Variants in KIAA1217 observed in about 807,000 individuals in gnomAD.
The protein encoded by KIAA1217 is KIAA1217, also known as sickle tail protein homolog.
Under a neutral mutation model 163.9 loss-of-function variants are expected in KIAA1217, and 88 were observed. The ratio of observed to expected loss-of-function variants is 0.54; its 90% CI spans 0.45 to 0.64. KIAA1217 has a LOEUF of 0.64. KIAA1217 is among the 30% of genes least tolerant of loss of function. KIAA1217 has a pLI of 0.00. For missense variants in KIAA1217, 2,372 were observed against 2,475.0 expected (o/e 0.96, Z 0.88); for synonymous variants, 903 against 923.1 (o/e 0.98, Z 0.39).
At chr10:24,398,663 T>C (rs993503580) in intron 3 of KIAA1217, among the ~76,000 whole-genome samples, 2 of 152,096 alleles carry the variant, frequency 1.3e-5, no homozygotes, top group Non-Finnish European at 2.9e-5. Context: ...TTGTGTCCTT[T>C]TTCCCATGAT....
intron 1 of KIAA1217, among the ~76,000 whole-genome samples, chr10:23,951,181 G>A (rs973161760): frequency 2.6e-5 from 4 of 152,106 alleles, no homozygotes; most frequent in African/African-American, 4.8e-5. Context: ...CTTAGATGAG[G>A]CAAGAGCATC....
intron 1 of KIAA1217, among the ~76,000 whole-genome samples, chr10:23,909,553 T>G (rs933234138): frequency 1.3e-5 from 2 of 151,902 alleles, no homozygotes; most frequent in East Asian, 3.9e-4. Context: ...AAAATGAAAG[T>G]CGTATAGAAA....
intron 1 of KIAA1217, among the ~76,000 whole-genome samples, chr10:23,868,607 T>C (rs532500208): frequency 6.6e-6 from 1 of 152,256 alleles, no homozygotes; most frequent in Non-Finnish European, 1.5e-5. Context: ...GCAGCCTGCA[T>C]ATTGAGCAAA....
chr10:24,437,238 A>G (rs1254430605), intron 4 of KIAA1217, among the ~76,000 whole-genome samples: 3 of 152,132 alleles, frequency 2.0e-5, no homozygotes, highest in Non-Finnish European at 4.4e-5. Context: ...TCTCCCCTTC[A>G]TATTCACCCA....
At chr10:24,340,902 G>C (rs1407088805) in intron 2 of KIAA1217, among the ~76,000 whole-genome samples, 2 of 152,214 alleles carry the variant, frequency 1.3e-5, no homozygotes, top group Non-Finnish European at 2.9e-5. Flanking sequence ...GTTTTCTAGT[G>C]GATGGGAATA....
At chr10:24,088,583 A>T (rs2061806124) in intron 2 of KIAA1217, among the ~76,000 whole-genome samples, 1 of 120,852 alleles carries the variant, frequency 8.3e-6, no homozygotes, top group African/African-American at 2.6e-5. Context: ...GCTGAGAATG[A>T]TGGTTTCCAG....
At chr10:24,085,710 C>T (rs994035184) in intron 2 of KIAA1217, among the ~76,000 whole-genome samples, 17 of 152,062 alleles carry the variant, frequency 1.1e-4, no homozygotes, top group South Asian at 2.1e-4. Flanking sequence ...TGGTAGCTCA[C>T]GCCTATGGTC....
At chr10:24,277,449 G>T (rs1310519127) in intron 2 of KIAA1217, among the ~76,000 whole-genome samples, 1 of 152,240 alleles carries the variant, frequency 6.6e-6, no homozygotes, top group Non-Finnish European at 1.5e-5. Flanking sequence ...AAGGCCACCT[G>T]CTATGCAGAT....
At chr10:24,241,053 C>T (rs1383280958) in intron 2 of KIAA1217, among the ~76,000 whole-genome samples, 1 of 152,004 alleles carries the variant, frequency 6.6e-6, no homozygotes, top group African/African-American at 2.4e-5. Flanking sequence ...CACCATGATG[C>T]CCAGGCTGGT....
At chr10:24,053,666 C>T (rs951640803) in intron 2 of KIAA1217, among the ~76,000 whole-genome samples, 1 of 152,090 alleles carries the variant, frequency 6.6e-6, no homozygotes, top group Non-Finnish European at 1.5e-5. Context: ...ATTTAACCAT[C>T]TCCTATGTGT....
intron 2 of KIAA1217, among the ~76,000 whole-genome samples, chr10:24,173,115 C>T (rs1350258471): frequency 2.0e-5 from 3 of 152,248 alleles, no homozygotes. Flanking sequence ...CGCATTACCT[C>T]CTGAGCTCCA....
At chr10:24,214,439 A>T (rs1420525671) in intron 1 of KIAA1217, among the ~76,000 whole-genome samples, 1 of 152,018 alleles carries the variant, frequency 6.6e-6, no homozygotes. Flanking sequence ...GATCCTTTGT[A>T]TTCAACTGGC....
chr10:24,003,089 T>G (rs889488353), intron 1 of KIAA1217, among the ~76,000 whole-genome samples: 9 of 152,234 alleles, frequency 5.9e-5, no homozygotes, highest in Admixed American at 1.3e-4. Flanking sequence ...TCTCTACAAT[T>G]GTGAATTGTG....
intron 2 of KIAA1217, among the ~76,000 whole-genome samples, chr10:24,160,570 C>G (rs746099298): frequency 6.6e-6 from 1 of 152,054 alleles, no homozygotes; most frequent in East Asian, 1.9e-4. Flanking sequence ...CCATAGAGAA[C>G]AGTAAAACAA....
intron 3 of KIAA1217, among the ~76,000 whole-genome samples, chr10:24,403,929 G>A (rs1229183382): frequency 3.9e-5 from 6 of 152,098 alleles, no homozygotes; most frequent in African/African-American, 1.4e-4. Flanking sequence ...GAATAGCCAC[G>A]CTAGAAAGTA....
At chr10:24,393,930 T>C (rs2055353251) in intron 3 of KIAA1217, among the ~76,000 whole-genome samples, 1 of 152,206 alleles carries the variant, frequency 6.6e-6, no homozygotes, top group African/African-American at 2.4e-5. Context: ...TTTCGTCCTG[T>C]CTCCTTTGAG....
chr10:24,284,702 C>A (rs2078354354), intron 2 of KIAA1217, among the ~76,000 whole-genome samples: 1 of 152,134 alleles, frequency 6.6e-6, no homozygotes, highest in African/African-American at 2.4e-5. Flanking sequence ...AATAAACATA[C>A]AAGTGCAGGT....
rs1384723119 is a variant in KIAA1217 at position 23,934,574 on chromosome 10, T to C, written c.-320-72651T>C. Among the ~76,000 whole-genome samples, 10 of 81,616 alleles carry C rather than the reference T, an allele frequency of 1.2e-4. 1 individual carries two copies. Among genetic ancestry groups the C allele is most frequent in the African/African-American group, 1.7e-4 (2 of 11,544 alleles). The allele number at this position is 81,616 out of a possible 152,430, so 53.5% of individuals were successfully genotyped here. On this transcript the variant is annotated intron_variant, in intron 1 of 18. Transcript: ENST00000376462. ...TCTTTAAAGTATATATATATATATA[T>C]ATATATATATATATATGTATATATA... is the stretch of plus-strand genomic sequence containing the variant.
upstream of KIAA1217, among the ~76,000 whole-genome samples, chr10:24,204,906 G>A (rs1273222690): frequency 1.3e-5 from 2 of 152,128 alleles, no homozygotes; most frequent in African/African-American, 2.4e-5. Flanking sequence ...CATCAAACAC[G>A]AGGCCTCTGG....
Sources: gnomAD v4.1 joint callset for allele counts (sites outside exome capture counted in the v4.1 genomes callset) on GRCh38, gnomAD v4.1.1 for gene constraint, MANE v1.5 for transcripts, NCBI Gene and HGNC (gene_info 2026-07-23, HGNC 2026-07-21) for gene names.